GABRA3: variants seen among roughly 807,000 people sequenced by gnomAD.
The protein encoded by GABRA3 is gamma-aminobutyric acid type A receptor subunit alpha3, also known as gamma-aminobutyric acid receptor subunit alpha-3.
In GABRA3, 10 loss-of-function variants were observed where a neutral mutation model predicts 30.1. That is an observed-to-expected ratio of 0.33 (90% CI 0.20 to 0.56). The LOEUF (loss-of-function observed/expected upper bound fraction) is 0.56. Ranked by LOEUF, GABRA3 falls within the 20% of genes least tolerant of loss-of-function variation. The probability of loss-of-function intolerance (pLI) is 0.89; values close to 1 mark genes in which losing one functional copy is unlikely to be tolerated. For synonymous variants in GABRA3, 151 were observed against 146.8 expected (o/e 1.03, Z -0.21); for missense variants, 233 against 392.0 (o/e 0.59, Z 3.42).
chrX:152,356,112 T>A lies in GABRA3; in HGVS notation c.140+8319A>T, dbSNP rs1049361812. On this transcript the variant is annotated intron_variant, in intron 2 of 9. Transcript: ENST00000370314. ...AATCCCAAATCCCAAACTATACTGT[T>A]AGTTTCTTAAAAACAGGAACTGTGT... 5.4e-5 allele frequency among the ~76,000 whole-genome samples: 6 copies of A among 111,967 alleles called. No homozygotes were observed. In the South Asian group the frequency reaches 2.2e-3, roughly 42 times the overall value.
At chrX:152,374,115 G>A (rs190871576) in intron 1 of GABRA3, among the ~76,000 whole-genome samples, 1,329 of 110,541 alleles carry the variant, frequency 0.012, 11 homozygotes, top group South Asian at 0.031. Flanking sequence ...TGTGAGGAGT[G>A]TCTGTTCATG....
intron 9 of GABRA3, among the ~76,000 whole-genome samples, chrX:152,176,932 T>C (rs1937082336): frequency 9.0e-6 from 1 of 111,607 alleles, no homozygotes; most frequent in Non-Finnish European, 1.9e-5. Context: ...TGCCCTGAAA[T>C]GCTCTAACGT....
chrX:152,439,084 T>G (rs1054182259), intron 1 of GABRA3, among the ~76,000 whole-genome samples: 1 of 109,337 alleles, frequency 9.1e-6, no homozygotes, highest in Non-Finnish European at 1.9e-5. Context: ...TCCGTTGAAT[T>G]TTTTTGTAAA....
chrX:152,179,690 T>C (rs933522314), intron 9 of GABRA3, among the ~76,000 whole-genome samples: 3 of 110,227 alleles, frequency 2.7e-5, no homozygotes, highest in Non-Finnish European at 3.8e-5. Flanking sequence ...GAGATGGGGC[T>C]TCACCATGTT....
chrX:152,340,403 T>G lies in GABRA3; in HGVS notation c.262+5178A>C, dbSNP rs774518332. ...TGGTGAGAATTTTTAAATGAGGAAC[T>G]ATTTTACATTTACCCACAGTTTCCA... On this transcript the variant is annotated intron_variant, in intron 3 of 9. Coordinates refer to ENST00000370314, the MANE Select transcript of GABRA3 (RefSeq NM_000808.4). 6.2e-5 allele frequency among the ~76,000 whole-genome samples: 7 copies of G among 112,564 alleles called. No homozygotes were observed. In the East Asian group the frequency reaches 2.0e-3, roughly 31 times the overall value.
intron 2 of GABRA3, among the ~76,000 whole-genome samples, chrX:152,350,608 C>A (rs1265941379): frequency 9.0e-6 from 1 of 111,579 alleles, no homozygotes; most frequent in South Asian, 3.7e-4. Flanking sequence ...AAGTCTCGAA[C>A]CCCTCAAAGT....
intron 3 of GABRA3, among the ~76,000 whole-genome samples, chrX:152,311,584 A>G (rs1435307442): frequency 2.7e-5 from 3 of 111,946 alleles, no homozygotes; most frequent in Admixed American, 9.5e-5. Flanking sequence ...CAAACCCACA[A>G]CAAACATCAT....
intron 9 of GABRA3, among the ~76,000 whole-genome samples, chrX:152,182,544 GTATATATACAC>G (rs1937173483): frequency 1.3e-5 from 1 of 76,251 alleles, no homozygotes; most frequent in Admixed American, 1.6e-4. Flanking sequence ...CATATATAGT[GTATATATACAC>G]TATATATATA....
chrX:152,327,452 A>T (rs1345160634), intron 3 of GABRA3, among the ~76,000 whole-genome samples: 3 of 111,837 alleles, frequency 2.7e-5, no homozygotes, highest in Admixed American at 1.9e-4. Flanking sequence ...TAGTTGGAAG[A>T]AAAGCACTCC....
intron 1 of GABRA3, among the ~76,000 whole-genome samples, chrX:152,438,027 A>G (rs1283551751): frequency 2.7e-5 from 3 of 112,230 alleles, no homozygotes; most frequent in African/African-American, 9.7e-5. Context: ...GTATGAAAAT[A>G]CATGCCATAG....
chrX:152,231,205 G>GTA (rs749562823), intron 5 of GABRA3, among the ~76,000 whole-genome samples: 9 of 104,908 alleles, frequency 8.6e-5, no homozygotes, highest in Admixed American at 2.1e-4. Context: ...ACATATATAT[G>GTA]TATATATATA....
At chrX:152,269,041 C>T (rs1028251769) in intron 4 of GABRA3, among the ~76,000 whole-genome samples, 2 of 111,819 alleles carry the variant, frequency 1.8e-5, no homozygotes, top group Admixed American at 9.5e-5. Flanking sequence ...TGAAATTGTT[C>T]AGACTTGTTT....
At chrX:152,176,012 C>G (rs1277253585) in intron 9 of GABRA3, among the ~76,000 whole-genome samples, 3 of 108,829 alleles carry the variant, frequency 2.8e-5, no homozygotes, top group African/African-American at 1.0e-4. Flanking sequence ...TGCAGTGAGC[C>G]GAGATTGCAC....
chrX:152,331,338 T>C (rs752854723), intron 3 of GABRA3, among the ~76,000 whole-genome samples: 1 of 110,553 alleles, frequency 9.0e-6, no homozygotes, highest in South Asian at 3.8e-4. Flanking sequence ...GTATCAGCAG[T>C]GCTACAAAAG....
intron 3 of GABRA3, among the ~76,000 whole-genome samples, chrX:152,328,753 G>T (rs1418388886): frequency 1.8e-5 from 2 of 111,312 alleles, no homozygotes; most frequent in African/African-American, 6.6e-5. Context: ...ATACTGAATG[G>T]GCAAAAACTG....
intron 6 of GABRA3, among the ~76,000 whole-genome samples, chrX:152,217,265 G>A (rs1204625140): frequency 9.0e-6 from 1 of 110,906 alleles, no homozygotes; most frequent in Non-Finnish European, 1.9e-5. Context: ...TTCAGTTGTT[G>A]AGCCAACTTT....
chrX:152,251,561 C>A (rs1938555511), intron 5 of GABRA3, among the ~76,000 whole-genome samples: 1 of 109,786 alleles, frequency 9.1e-6, no homozygotes, highest in African/African-American at 3.3e-5. Context: ...GCCCATTACT[C>A]TCTCCTTCCT....
At chrX:152,183,475 TTTTG>T (rs1226822971) in intron 9 of GABRA3, among the ~76,000 whole-genome samples, 2 of 93,549 alleles carry the variant, frequency 2.1e-5, no homozygotes, top group African/African-American at 4.5e-5. Context: ...GGTTTGTCTA[TTTTG>T]TTTATCTTTT....
At chrX:152,407,595 A>G (rs1199181123) in intron 1 of GABRA3, among the ~76,000 whole-genome samples, 4 of 112,085 alleles carry the variant, frequency 3.6e-5, no homozygotes, top group Admixed American at 2.8e-4. Flanking sequence ...AATGTCTTCC[A>G]TCAAAGAAAA....
Sources: gnomAD v4.1 joint callset for allele counts (sites outside exome capture counted in the v4.1 genomes callset) on GRCh38, gnomAD v4.1.1 for gene constraint, MANE v1.5 for transcripts, NCBI Gene and HGNC (gene_info 2026-07-23, HGNC 2026-07-21) for gene names.